The following TACR3 variants were observed in gnomAD, a reference collection of about 807,000 sequenced individuals.
The protein encoded by TACR3 is neuromedin-K receptor.
Under a neutral mutation model 35.0 loss-of-function variants are expected in TACR3, and 34 were observed. The observed-to-expected ratio is 0.97, with a 90% confidence interval of 0.74 to 1.30. TACR3 has a LOEUF of 1.30. Among genes scored for constraint, TACR3 ranks in the 50% most tolerant of loss-of-function variants. TACR3 has a pLI of 0.00. For missense variants in TACR3, 558 were observed against 591.7 expected (o/e 0.94, Z 0.59); for synonymous variants, 233 against 221.1 (o/e 1.05, Z -0.48).
chr4:103,591,323 G>A (rs559748729), intron 4 of TACR3, 164 bp downstream of exon 4: 2 of 748,096 alleles, frequency 2.7e-6, no homozygotes, highest in East Asian at 5.4e-5. Flanking sequence ...TATAAAGTGT[G>A]TATGGGGGTC....
intron 3 of TACR3, among the ~76,000 whole-genome samples, chr4:103,654,628 G>A (rs949525775): frequency 1.3e-5 from 2 of 150,202 alleles, no homozygotes; most frequent in South Asian, 2.1e-4. Flanking sequence ...GCACACCAAC[G>A]TGGCACATGT....
At chr4:103,625,846 G>C (rs1317500223) in intron 3 of TACR3, among the ~76,000 whole-genome samples, 2 of 152,028 alleles carry the variant, frequency 1.3e-5, no homozygotes, top group African/African-American at 4.8e-5. Context: ...GGCCTTTAAA[G>C]AGGCAATTCA....
chr4:103,642,565 C>A (rs964108024), intron 3 of TACR3, among the ~76,000 whole-genome samples: 2 of 151,642 alleles, frequency 1.3e-5, no homozygotes, highest in Non-Finnish European at 2.9e-5. Flanking sequence ...CACAGAAAGA[C>A]AAATAATGCA....
intron 1 of TACR3, among the ~76,000 whole-genome samples, chr4:103,690,415 A>G (rs1182943910): frequency 6.6e-6 from 1 of 152,162 alleles, no homozygotes; most frequent in Non-Finnish European, 1.5e-5. Flanking sequence ...CTAGAGACAA[A>G]CTAGGAACTC....
chr4:103,706,544 GAT>G (rs761535401), intron 1 of TACR3, among the ~76,000 whole-genome samples: 1 of 151,878 alleles, frequency 6.6e-6, no homozygotes, highest in Non-Finnish European at 1.5e-5. Flanking sequence ...TATATACACA[GAT>G]ATATATAGAT....
chr4:103,609,711 A>G (rs1724472100), intron 3 of TACR3, among the ~76,000 whole-genome samples: 1 of 151,956 alleles, frequency 6.6e-6, no homozygotes, highest in Non-Finnish European at 1.5e-5. Context: ...TATTCTTCCT[A>G]TCGAACTGTA....
At chr4:103,688,192 C>T (rs1275490190) in intron 1 of TACR3, among the ~76,000 whole-genome samples, 1 of 152,104 alleles carries the variant, frequency 6.6e-6, no homozygotes, top group Non-Finnish European at 1.5e-5. Flanking sequence ...ACTGGCTAGC[C>T]ATATGTAGAA....
chr4:103,680,441 A>G (rs974645146), intron 1 of TACR3, among the ~76,000 whole-genome samples: 6 of 150,334 alleles, frequency 4.0e-5, no homozygotes, highest in African/African-American at 1.5e-4. Context: ...TCTGGTAACA[A>G]TCCATTAGAA....
intron 1 of TACR3, among the ~76,000 whole-genome samples, chr4:103,708,043 C>G (rs902359887): frequency 2.0e-4 from 31 of 152,194 alleles, no homozygotes; most frequent in Admixed American, 1.4e-3. Flanking sequence ...CTCAAGGAGG[C>G]CTGCCTGCCT....
chr4:103,596,778 A>C (rs1159169044), intron 3 of TACR3, among the ~76,000 whole-genome samples: 13 of 141,000 alleles, frequency 9.2e-5, no homozygotes, highest in Admixed American at 1.5e-4. Context: ...AAGAGTCCCC[A>C]GTGTGTGATG....
intron 3 of TACR3, among the ~76,000 whole-genome samples, chr4:103,602,618 C>T (rs1444797042): frequency 6.6e-6 from 1 of 152,084 alleles, no homozygotes; most frequent in African/African-American, 2.4e-5. Context: ...ACAGGACCCT[C>T]AGCTGCAGGT....
chr4:103,718,453 G>C (rs1208049426), intron 1 of TACR3, among the ~76,000 whole-genome samples: 1 of 152,202 alleles, frequency 6.6e-6, no homozygotes, highest in Admixed American at 6.5e-5. Context: ...TAAAAATTTG[G>C]TTACACACTT....
At chr4:103,716,875 A>G (rs1393658592) in intron 1 of TACR3, among the ~76,000 whole-genome samples, 1 of 152,236 alleles carries the variant, frequency 6.6e-6, no homozygotes, top group Non-Finnish European at 1.5e-5. Context: ...AAATTGGGAA[A>G]TATATACTGT....
intron 3 of TACR3, among the ~76,000 whole-genome samples, chr4:103,595,993 A>T (rs1227901192): frequency 6.7e-6 from 1 of 149,080 alleles, no homozygotes; most frequent in African/African-American, 2.5e-5. Flanking sequence ...GAGTGAGAAT[A>T]TGTGGTGTTT....
intron 1 of TACR3, among the ~76,000 whole-genome samples, chr4:103,672,033 A>G (rs192225168): frequency 4.6e-5 from 7 of 152,264 alleles, no homozygotes; most frequent in African/African-American, 1.7e-4. Flanking sequence ...CAATGTTCAC[A>G]GTATCTTGCC....
intron 3 of TACR3, among the ~76,000 whole-genome samples, chr4:103,650,573 A>C (rs1354482316): frequency 1.0e-5 from 1 of 97,180 alleles, no homozygotes; most frequent in Non-Finnish European, 1.9e-5. Flanking sequence ...TAAATATATA[A>C]AATAAATTTA....
At position 103,589,479 on chromosome 4, in the gene TACR3, C is replaced by A; in HGVS notation, c.*203G>T. 2 of 557,702 alleles carry A rather than the reference C, an allele frequency of 3.6e-6. No individual in the cohort carries two copies. The highest frequency in any genetic ancestry group is 3.1e-6 in the Non-Finnish European group (1 of 318,374). 34.5% of individuals were successfully genotyped at this position (557,702 alleles called of 1,614,324 possible). A position where few individuals can be genotyped will look rare whatever the true frequency, so the allele number is the denominator to read the frequency against. ...AGTTTTCAAAGAATAAATTTAAAGCCCATTTTATTTTGGGTGGAGGCTAAC... is the reference window on the plus strand; with the variant it reads ...AGTTTTCAAAGAATAAATTTAAAGCACATTTTATTTTGGGTGGAGGCTAAC... On this transcript the variant is annotated 3_prime_UTR_variant, in exon 5 of 5. Transcript: ENST00000304883.
chr4:103,639,526 G>A (rs903726476), intron 3 of TACR3, among the ~76,000 whole-genome samples: 2 of 151,860 alleles, frequency 1.3e-5, no homozygotes, highest in Non-Finnish European at 2.9e-5. Context: ...CACCAACATG[G>A]CACATGTATA....
At position 103,639,838 on chromosome 4, in the gene TACR3, T is replaced by C. The variant is rs1725311435; in HGVS notation, c.888+16356A>G. On this transcript the variant is annotated intron_variant, in intron 3 of 4. Coordinates refer to ENST00000304883, the MANE Select transcript of TACR3 (RefSeq NM_001059.3). ...ATGAAAATAACAGTGATGTCTTCCT[T>C]ATGCAGTTATAAGGATTCAATGTCT... Among the ~76,000 whole-genome samples, 3 of 152,102 alleles carry C rather than the reference T, an allele frequency of 2.0e-5. 1 individual carries two copies. Among genetic ancestry groups the C allele is most frequent in the South Asian group, 2.1e-4 (1 of 4,824 alleles).
Sources: gnomAD v4.1 joint callset for allele counts (sites outside exome capture counted in the v4.1 genomes callset) on GRCh38, gnomAD v4.1.1 for gene constraint, MANE v1.5 for transcripts, NCBI Gene and HGNC (gene_info 2026-07-23, HGNC 2026-07-21) for gene names.